Variants in ATP2A3 observed in about 807,000 individuals in gnomAD.
The protein encoded by ATP2A3 is ATPase sarcoplasmic/endoplasmic reticulum Ca2+ transporting 3, also known as sarcoplasmic/endoplasmic reticulum calcium ATPase 3.
A neutral mutation model predicts 106.8 loss-of-function variants in ATP2A3; 61 were observed. The ratio of observed to expected loss-of-function variants is 0.57; its 90% CI spans 0.46 to 0.71. The LOEUF (loss-of-function observed/expected upper bound fraction) is 0.71. Ranked by LOEUF, ATP2A3 falls within the 30% of genes least tolerant of loss-of-function variation. The pLI is 0.00. For synonymous variants in ATP2A3, 611 were observed against 609.3 expected (o/e 1.00, Z -0.04); for missense variants, 1,201 against 1,423.5 (o/e 0.84, Z 2.52).
rs1454694089 is a variant in ATP2A3 at position 3,953,359 on chromosome 17, G to A, written c.207C>T (p.Ala69=). Residue 69 remains alanine, a synonymous_variant, in exon 3 of 21, where the codon GCC becomes GCT. Transcript: ENST00000397041. This position sits in a 1 kb window ranked among gnomAD's most constrained non-coding sequence, Gnocchi z 5.1. ...GGGCCCTACTTACAAAGGAGACAAG[G>A]GCAGCCAGCAGCAGGATGCGCACCA... ...DLLVRILLLA[A]LVSFVLAWFE... is the part of the protein sequence containing the mutation. 1.1e-5 allele frequency: 18 copies of A among 1,613,988 alleles called. No individual in the cohort carries two copies. Among genetic ancestry groups the A allele is most frequent in the Non-Finnish European group, 1.5e-5 (18 of 1,179,992 alleles).
intron 11 of ATP2A3, 81 bp from the exon 12 acceptor site, chr17:3,942,812 A>G (rs1379783033): frequency 6.3e-7 from 1 of 1,591,592 alleles, no homozygotes; most frequent in African/African-American, 1.3e-5. Flanking sequence ...CTTGGCCCCA[A>G]GAGAGCCTCT....
chr17:3,936,601 C>T lies in ATP2A3; in HGVS notation c.2322-132G>A, dbSNP rs2053457124. 1 of 953,624 alleles carries T rather than the reference C, an allele frequency of 1.0e-6. No homozygotes were observed. The highest frequency in any genetic ancestry group is 1.7e-6 in the Non-Finnish European group (1 of 605,652). 59.1% of individuals were successfully genotyped at this position (953,624 alleles called of 1,614,324 possible). On this transcript the variant is annotated intron_variant, in intron 15 of 20. Transcript: ENST00000397041. The surrounding 1 kb of genome is among the most constrained non-coding windows in gnomAD (Gnocchi z 5.4). ...CCACAGCAGCCCCTCCTCCCTCCGC[C>T]AGCTGTGATGTGAAGGGTGTGTGTA...
At chr17:3,933,672 G>A (rs1452055503) in intron 17 of ATP2A3, among the ~76,000 whole-genome samples, 1 of 151,094 alleles carries the variant, frequency 6.6e-6, no homozygotes, top group African/African-American at 2.5e-5. Context: ...GGAGGTGGAG[G>A]TTGCAGTGAG....
At chr17:3,940,035 TTTTTTTTG>T in intron 14 of ATP2A3, among the ~76,000 whole-genome samples, 3 of 116,656 alleles carry the variant, frequency 2.6e-5, no homozygotes, top group African/African-American at 4.0e-5. Context: ...TCATATCTTT[TTTTTTTTG>T]TTTTTTGTTT....
chr17:3,924,281 G>C lies in ATP2A3; in HGVS notation c.*1141C>G, dbSNP rs950208723. The C allele has an allele frequency of 6.4e-6, 1 of 155,078 alleles. No homozygotes were observed. The highest frequency in any genetic ancestry group is 1.4e-5 in the Non-Finnish European group (1 of 69,924). The allele number at this position is 155,078 out of a possible 1,614,324, so 9.6% of individuals were successfully genotyped here. A position where few individuals can be genotyped will look rare whatever the true frequency, so the allele number is the denominator to read the frequency against. ...GCTAGTTTTTGCCAAAGTAGCAAAA[G>C]CTGAGTTAAGAGAAAAATTCTGTCC... On this transcript the variant is annotated 3_prime_UTR_variant, in exon 21 of 21. Coordinates refer to ENST00000397041, the MANE Select transcript of ATP2A3 (RefSeq NM_005173.4). This position sits in a 1 kb window ranked among gnomAD's most constrained non-coding sequence, Gnocchi z 6.4.
In ATP2A3 at chr17:3,942,639, G is replaced by C. The variant is rs1488265863; in HGVS notation, c.1512C>G (p.His504Gln). 2.5e-6 allele frequency: 4 copies of C among 1,612,974 alleles called. No homozygotes were observed. In the East Asian group the frequency reaches 6.7e-5, roughly 27 times the overall value. ...ACATCTTGCTGCCCTGGCCAGTAGG[G>C]TGAGGGCGGGTGGGCGTGCAGTACA... ...MSVYCTPTRPHPTGQGSKMFV... is the reference protein window; with the variant it reads ...MSVYCTPTRPQPTGQGSKMFV... Residue 504 changes from histidine (H) to glutamine (Q), a missense_variant, in exon 12 of 21, where the codon CAC becomes CAG. This residue lies in a region of ATP2A3 where 935 missense variants were observed against 1,176.7 expected (regional missense o/e 0.79). Coordinates refer to ENST00000397041, the MANE Select transcript of ATP2A3 (RefSeq NM_005173.4).
intron 12 of ATP2A3, among the ~76,000 whole-genome samples, 160 bp downstream of exon 12, chr17:3,942,446 C>T (rs936225316): frequency 3.3e-5 from 5 of 152,192 alleles, no homozygotes; most frequent in African/African-American, 1.2e-4. Context: ...AAGGGTGGCA[C>T]CAACCACCCC....
chr17:3,956,870 C>T (rs2054813248), intron 1 of ATP2A3, among the ~76,000 whole-genome samples: 1 of 152,238 alleles, frequency 6.6e-6, no homozygotes, highest in African/African-American at 2.4e-5. Context: ...GGAGGCCTGA[C>T]CTGCCGCTGA....
rs1181801007 is a variant in ATP2A3 at position 3,941,547 on chromosome 17, A to G, written c.1653T>C (p.Asp551=). Residue 551 remains aspartate (D), a synonymous_variant, in exon 13 of 21, where the codon GAT becomes GAC. Transcript: ENST00000397041. Reference sequence around the variant, plus strand: ...GCAGCGTGTCTGAGCCTGAGCCCCAATCCCGGATCTTTGCCAGGATCTGCT... The same window carrying G: ...GCAGCGTGTCTGAGCCTGAGCCCCAGTCCCGGATCTTTGCCAGGATCTGCT... ...SREQILAKIR[D]WGSGSDTLRC... is the part of the protein sequence containing the mutation. 1.2e-6 allele frequency: 2 copies of G among 1,613,720 alleles called. No homozygotes were observed. Among genetic ancestry groups the G allele is most frequent in the Non-Finnish European group, 1.7e-6 (2 of 1,180,030 alleles).
rs145965351 is a variant in ATP2A3, at chr17:3,930,547, C to T, written c.2611-113G>A. 1,980 of 1,124,088 alleles carry T rather than the reference C, an allele frequency of 1.8e-3. 25 individuals are homozygous for T. The African/African-American group carries it at 0.028, about 16-fold the overall frequency. 69.6% of individuals were successfully genotyped at this position (1,124,088 alleles called of 1,614,324 possible). A position where few individuals can be genotyped will look rare whatever the true frequency, so the allele number is the denominator to read the frequency against. Reference sequence around the variant, plus strand: ...CCCACGCCTGGGCACAACCAGCACACAAAACACTGCCGTGGGGTGGGCTGG... The same window carrying T: ...CCCACGCCTGGGCACAACCAGCACATAAAACACTGCCGTGGGGTGGGCTGG... On this transcript the variant is annotated intron_variant, in intron 17 of 20. Transcript: ENST00000397041. The surrounding 1 kb of genome is among the most constrained non-coding windows in gnomAD (Gnocchi z 5.4).
chr17:3,932,831 A>G (rs2053186789), intron 17 of ATP2A3, among the ~76,000 whole-genome samples: 1 of 151,730 alleles, frequency 6.6e-6, no homozygotes, highest in South Asian at 2.1e-4. Flanking sequence ...TCCTCCTGCC[A>G]ATTGTGCCAC....
Position 3,964,408 on chromosome 17 carries a change from C to G in ATP2A3, c.-117G>C, listed in dbSNP as rs1263720069. The G allele has an allele frequency of 6.9e-6, 3 of 432,062 alleles. No individual in the cohort carries two copies. The East Asian group carries it at 2.9e-4, about 42-fold the overall frequency. 26.8% of individuals were successfully genotyped at this position (432,062 alleles called of 1,614,324 possible). On this transcript the variant is annotated 5_prime_UTR_variant, in exon 1 of 21. Coordinates refer to ENST00000397041, the MANE Select transcript of ATP2A3 (RefSeq NM_005173.4). ...GGCGGGCGCCGCGCGAGGCCATGTC[C>G]GTGCTGGGACCTTACCCGACGGCAG...
In ATP2A3 at chr17:3,964,268, C is replaced by G. The variant is rs1372953420; in HGVS notation, c.24G>C (p.Pro8=). The change falls in exon 1 of 21, where the codon CCG becomes CCC. Residue 8 remains proline (P), a synonymous_variant. Coordinates refer to ENST00000397041, the MANE Select transcript of ATP2A3 (RefSeq NM_005173.4). ...AGAAGTGGCGCAGCACGTCGGCGGC[C>G]GGGAGCAGATGCGCCGCCTCCATGC... is the stretch of plus-strand genomic sequence containing the variant. The part of the protein sequence containing the change: MEAAHLL[P]AADVLRHFSV... 2.3e-6 allele frequency: 3 copies of G among 1,283,444 alleles called. No homozygotes were observed. The highest frequency in any genetic ancestry group is 6.5e-5 in the Admixed American group (2 of 30,996). 79.5% of individuals were successfully genotyped at this position (1,283,444 alleles called of 1,614,324 possible).
At chr17:3,940,546 C>T (rs1413231246) in intron 14 of ATP2A3, among the ~76,000 whole-genome samples, 2 of 152,198 alleles carry the variant, frequency 1.3e-5, no homozygotes, top group African/African-American at 4.8e-5. Flanking sequence ...CTCACTCTGT[C>T]ACCCAGGCTG....
intron 10 of ATP2A3, among the ~76,000 whole-genome samples, 197 bp downstream of exon 10, chr17:3,944,507 C>G (rs1458291977): frequency 6.6e-6 from 1 of 152,112 alleles, no homozygotes; most frequent in African/African-American, 2.4e-5. Context: ...AGACCAAGAG[C>G]CCCAGGGGGA....
Position 3,924,505 on chromosome 17 carries a change from G to A in ATP2A3, c.*917C>T, listed in dbSNP as rs749664962. 15 of 314,854 alleles carry A rather than the reference G, an allele frequency of 4.8e-5. No homozygotes were observed. Among genetic ancestry groups the A allele is most frequent in the Admixed American group, 1.3e-4 (3 of 23,858 alleles). The allele number at this position is 314,854 out of a possible 1,614,324, so 19.5% of individuals were successfully genotyped here. A position where few individuals can be genotyped will look rare whatever the true frequency, so the allele number is the denominator to read the frequency against. ...AGGCCCCCAGCTGTGCAGACAGCGCGGCGGCCGCACACTGGGCTGGGTAGA... is the reference window on the plus strand; with the variant it reads ...AGGCCCCCAGCTGTGCAGACAGCGCAGCGGCCGCACACTGGGCTGGGTAGA... On this transcript the variant is annotated 3_prime_UTR_variant, in exon 21 of 21. Transcript: ENST00000397041. This position sits in a 1 kb window ranked among gnomAD's most constrained non-coding sequence, Gnocchi z 6.4.
At position 3,953,253 on chromosome 17, in the gene ATP2A3, A is replaced by G. The variant is rs891063158; in HGVS notation, c.219+94T>C. The G allele has an allele frequency of 2.5e-5, 35 of 1,383,392 alleles. No individual in the cohort carries two copies. In the Admixed American group the frequency reaches 5.9e-4, roughly 23 times the overall value. 85.7% of individuals were successfully genotyped at this position (1,383,392 alleles called of 1,614,324 possible). ...GGCGCAGGCCCAGGGTGTGGAGGACAGGCCCAGGCTCCAGGACCTCGGAGC... is the reference window on the plus strand; with the variant it reads ...GGCGCAGGCCCAGGGTGTGGAGGACGGGCCCAGGCTCCAGGACCTCGGAGC... On this transcript the variant is annotated intron_variant, in intron 3 of 20. Coordinates refer to ENST00000397041, the MANE Select transcript of ATP2A3 (RefSeq NM_005173.4). This position sits in a 1 kb window ranked among gnomAD's most constrained non-coding sequence, Gnocchi z 5.1.
intron 4 of ATP2A3, 35 bp downstream of exon 4, chr17:3,951,546 G>GGCCCCCCCC: frequency 9.1e-6 from 12 of 1,319,566 alleles, no homozygotes; most frequent in Non-Finnish European, 1.2e-5. Context: ...CTGGGAGACC[G>GGCCCCCCCC]CCCCCCGCCC....
chr17:3,964,323 C>A lies in ATP2A3; in HGVS notation c.-32G>T. 8.8e-7 allele frequency: 1 copy of A among 1,133,422 alleles called. No homozygotes were observed. Among genetic ancestry groups the A allele is most frequent in the Admixed American group, 4.5e-5 (1 of 22,128 alleles). 70.2% of individuals were successfully genotyped at this position (1,133,422 alleles called of 1,614,324 possible). Reference sequence around the variant, plus strand: ...CGCCCGGCCGTCTGCGCCGTCCGCACCGTCGAGGCCGCCTCTCCGCCGGGG... The same window carrying A: ...CGCCCGGCCGTCTGCGCCGTCCGCAACGTCGAGGCCGCCTCTCCGCCGGGG... On this transcript the variant is annotated 5_prime_UTR_variant, in exon 1 of 21. Transcript: ENST00000397041.
Sources: allele counts gnomAD v4.1 joint callset (sites outside exome capture counted in the v4.1 genomes callset), GRCh38; gene constraint gnomAD v4.1.1; regional missense constraint gnomAD v4.1.1; non-coding constraint Gnocchi (gnomAD v3.1); transcripts MANE v1.5; gene names NCBI Gene and HGNC (gene_info 2026-07-23, HGNC 2026-07-21).